COL4A2: variants seen among roughly 807,000 people sequenced by gnomAD.
COL4A2 encodes the protein collagen type IV alpha 2 chain, also known as collagen alpha-2(IV) chain.
A neutral mutation model predicts 200.2 loss-of-function variants in COL4A2; 99 were observed. The observed-to-expected ratio is 0.49, with a 90% CI of 0.42 to 0.58. COL4A2 has a LOEUF of 0.58. Ranked by LOEUF, COL4A2 falls within the 20% of genes least tolerant of loss-of-function variation. The probability of loss-of-function intolerance (pLI) is 0.00; values close to 1 mark genes in which losing one functional copy is unlikely to be tolerated. For missense variants in COL4A2, 1,950 were observed against 2,314.1 expected (o/e 0.84, Z 3.23); for synonymous variants, 897 against 900.6 (o/e 1.00, Z 0.07).
chr13:110,320,587 C>T (rs759996433), intron 3 of COL4A2, among the ~76,000 whole-genome samples: 7 of 152,136 alleles, frequency 4.6e-5, no homozygotes, highest in Non-Finnish European at 7.4e-5. Context: ...GGGATGACAC[C>T]GATAGATATT....
chr13:110,345,514 C>G (rs879831145), intron 3 of COL4A2, among the ~76,000 whole-genome samples: 2 of 152,006 alleles, frequency 1.3e-5, no homozygotes, highest in East Asian at 3.9e-4. Context: ...TGGGTACAGT[C>G]GAGGCCTCCT....
chr13:110,449,629 A>C (rs1324456452), intron 18 of COL4A2, 50 bp from the exon 19 acceptor site: 13 of 1,492,524 alleles, frequency 8.7e-6, no homozygotes, highest in Non-Finnish European at 1.2e-5. Flanking sequence ...GCCAGCTGCG[A>C]TCCGTAGACC....
Position 110,450,346 on chromosome 13 carries a change from T to C in COL4A2, c.1231T>C (p.Phe411Leu). 1.2e-6 allele frequency: 2 copies of C among 1,613,818 alleles called. No homozygotes were observed. The highest frequency in any genetic ancestry group is 3.3e-5 in the Admixed American group (2 of 60,024). ...GLPGEMGPKG[F>L]IGDPGIPALY... is the part of the protein sequence containing the mutation. ...GCCGGGTGAGATGGGACCCAAGGGC[T>C]TCATCGGAGACCCCGGCATCCCTGC... Residue 411 changes from phenylalanine (F) to leucine (L), a missense_variant, in exon 20 of 48, where the codon TTC becomes CTC. Phe to Leu is a conservative substitution (Grantham distance 22). This residue lies in a region of COL4A2 where 565 missense variants were observed against 593.5 expected (regional missense o/e 0.95). Transcript: ENST00000360467.
intron 18 of COL4A2, among the ~76,000 whole-genome samples, chr13:110,448,862 T>G (rs1346967881): frequency 1.3e-5 from 2 of 152,168 alleles, no homozygotes; most frequent in Non-Finnish European, 2.9e-5. Context: ...GAGGGAGAGA[T>G]GGAAGCGCAG....
At chr13:110,334,980 GC>G (rs904560561) in intron 3 of COL4A2, among the ~76,000 whole-genome samples, 3 of 152,088 alleles carry the variant, frequency 2.0e-5, no homozygotes, top group African/African-American at 7.2e-5. Context: ...AGAGCTGGGG[GC>G]CCAGCTCCAG....
chr13:110,451,351 T>C (rs1198243942), intron 20 of COL4A2, among the ~76,000 whole-genome samples: 1 of 152,182 alleles, frequency 6.6e-6, no homozygotes, highest in African/African-American at 2.4e-5. Flanking sequence ...TTTAAAAACA[T>C]TTTTACAATT....
intron 16 of COL4A2, among the ~76,000 whole-genome samples, chr13:110,442,734 T>TA (rs768294053): frequency 2.1e-5 from 3 of 146,150 alleles, no homozygotes; most frequent in Non-Finnish European, 4.6e-5. Flanking sequence ...TCTGATAAAT[T>TA]AGAGATGGTT....
intron 26 of COL4A2, 151 bp downstream of exon 26, chr13:110,466,213 G>A: frequency 1.2e-6 from 1 of 801,444 alleles, no homozygotes; most frequent in Non-Finnish European, 1.9e-6. Context: ...GGCCTGGTGA[G>A]CACTATACAT....
intron 24 of COL4A2, among the ~76,000 whole-genome samples, chr13:110,463,873 G>C (rs1882130476): frequency 6.6e-6 from 1 of 152,198 alleles, no homozygotes; most frequent in Non-Finnish European, 1.5e-5. Context: ...TTTGGGGCCA[G>C]AGAACACAGA....
At chr13:110,435,186 C>T (rs910328706) in intron 12 of COL4A2, among the ~76,000 whole-genome samples, 4 of 151,996 alleles carry the variant, frequency 2.6e-5, no homozygotes, top group African/African-American at 9.7e-5. Flanking sequence ...ACATTAATGC[C>T]ATAGAAGAAG....
intron 15 of COL4A2, 27 bp downstream of exon 15, chr13:110,438,695 T>C: frequency 6.2e-7 from 1 of 1,613,796 alleles, no homozygotes; most frequent in Non-Finnish European, 8.5e-7. Context: ...ATAACTGCAG[T>C]TGTCGGTTTG....
intron 4 of COL4A2, among the ~76,000 whole-genome samples, chr13:110,372,279 C>T (rs1878045959): frequency 6.6e-6 from 1 of 152,172 alleles, no homozygotes; most frequent in African/African-American, 2.4e-5. Flanking sequence ...TTTCCCAAAA[C>T]CCTTCAACAG....
intron 19 of COL4A2, among the ~76,000 whole-genome samples, 193 bp from the exon 20 acceptor site, chr13:110,450,112 T>G (rs184049945): frequency 1.5e-3 from 222 of 152,276 alleles, no homozygotes; most frequent in Non-Finnish European, 2.8e-3. Flanking sequence ...AGCCATTATT[T>G]GAGGGGCAAG....
intron 36 of COL4A2, among the ~76,000 whole-genome samples, chr13:110,490,411 T>C (rs1290509719): frequency 1.1e-4 from 17 of 152,246 alleles, no homozygotes; most frequent in Non-Finnish European, 7.3e-5. Flanking sequence ...CCCCAGGGGC[T>C]TGCAGGGCTG....
At chr13:110,321,083 A>G (rs1885262094) in intron 3 of COL4A2, among the ~76,000 whole-genome samples, 1 of 152,128 alleles carries the variant, frequency 6.6e-6, no homozygotes, top group Non-Finnish European at 1.5e-5. Context: ...TATAGCACCT[A>G]CCTTACAAAC....
chr13:110,484,881 T>C, intron 32 of COL4A2, 24 bp from the exon 33 acceptor site: 2 of 1,583,310 alleles, frequency 1.3e-6, no homozygotes, highest in Non-Finnish European at 1.7e-6. Flanking sequence ...CCCCAGAAAA[T>C]GACAGCACTC....
intron 29 of COL4A2, among the ~76,000 whole-genome samples, chr13:110,476,389 A>G (rs983049067): frequency 2.0e-5 from 3 of 152,264 alleles, no homozygotes; most frequent in African/African-American, 7.2e-5. Context: ...GAACCGATGC[A>G]TCCGTGCATC....
intron 4 of COL4A2, among the ~76,000 whole-genome samples, chr13:110,422,373 C>T (rs1430420724): frequency 6.6e-6 from 1 of 151,848 alleles, no homozygotes; most frequent in East Asian, 1.9e-4. Flanking sequence ...TCTGGGATAT[C>T]GTGCGTCCAG....
At chr13:110,412,284 C>T (rs1879872706) in intron 4 of COL4A2, among the ~76,000 whole-genome samples, 1 of 152,220 alleles carries the variant, frequency 6.6e-6, no homozygotes, top group Admixed American at 6.5e-5. Context: ...AGGTGAGCTC[C>T]CCGTGACAAA....
Sources: allele counts gnomAD v4.1 joint callset (sites outside exome capture counted in the v4.1 genomes callset), GRCh38; gene constraint gnomAD v4.1.1; regional missense constraint gnomAD v4.1.1; transcripts MANE v1.5; gene names NCBI Gene and HGNC (gene_info 2026-07-23, HGNC 2026-07-21).